Variants in COL18A1 observed in about 807,000 individuals in gnomAD.
The protein encoded by COL18A1 is collagen alpha-1(XVIII) chain.
Under a neutral mutation model 168.0 loss-of-function variants are expected in COL18A1, and 133 were observed. The observed-to-expected ratio is 0.79, with a 90% CI of 0.69 to 0.91. The LOEUF is 0.91. Among genes scored for constraint, COL18A1 ranks in the 40% least tolerant of loss-of-function variants. The pLI, the probability that COL18A1 is intolerant of heterozygous loss-of-function variation, is 0.00. For synonymous variants in COL18A1, 949 were observed against 809.0 expected, an observed-to-expected ratio of 1.17 and a Z score of -2.94; for missense variants, 2,126 against 1,925.4, an observed-to-expected ratio of 1.10 and a Z score of -1.95.
chr21:45,428,843 C>T (rs933532463), intron 2 of COL18A1, among the ~76,000 whole-genome samples: 1 of 152,070 alleles, frequency 6.6e-6, no homozygotes, highest in Non-Finnish European at 1.5e-5. Context: ...CGTTTTAAAG[C>T]ATGTTTTATG....
At position 45,473,521 on chromosome 21, in the gene COL18A1, G is replaced by T. The variant is rs906085940; in HGVS notation, c.652-374G>T. ...CTTGCGTAAAGCTCCCGGGACTTGGGGTTGGGGGACTTGACCTGCAGCCCC... is the reference window on the plus strand; with the variant it reads ...CTTGCGTAAAGCTCCCGGGACTTGGTGTTGGGGGACTTGACCTGCAGCCCC... On this transcript the variant is annotated intron_variant, in intron 3 of 41. Transcript: ENST00000651438. The surrounding 1 kb of genome is among the most constrained non-coding windows in gnomAD (Gnocchi z 4.0). Among the ~76,000 whole-genome samples, 1 of 152,136 alleles carries T rather than the reference G, an allele frequency of 6.6e-6. No individual in the cohort carries two copies. The highest frequency in any genetic ancestry group is 1.5e-5 in the Non-Finnish European group (1 of 68,006).
rs1415307385 is a variant in COL18A1, at chr21:45,497,602, A to G, written c.2624A>G (p.Asn875Ser). 3.2e-6 allele frequency: 5 copies of G among 1,561,806 alleles called. No homozygotes were observed. In the East Asian group the frequency reaches 7.2e-5, roughly 22 times the overall value. The change falls in exon 32 of 42, where the codon AAT (asparagine) becomes AGT (serine). Residue 875 changes from asparagine to serine, a missense_variant. By Grantham distance (46) the Asn-to-Ser change is conservative (BLOSUM62 1). Transcript: ENST00000651438. The part of the protein sequence containing the change: ...SRPGPPGLPG[N>S]QGPPGPKGAK... ...CACTGGGTCTCTCTTCCTCCAGGGA[A>G]TCAGGGCCCTCCAGGACCCAAGGGC...
chr21:45,477,412 T>G lies in COL18A1; in HGVS notation c.930T>G (p.Ala310=). The G allele has an allele frequency of 6.2e-7, 1 of 1,612,460 alleles. No homozygotes were observed. Among genetic ancestry groups the G allele is most frequent in the Non-Finnish European group, 8.5e-7 (1 of 1,179,402 alleles). The part of the protein sequence containing the change: ...EEQTTVASLG[A]QTLPGSDSVS... The stretch of plus-strand genomic sequence containing the variant: ...GGCCACCTCTGCTTCTCTTCCCAGC[T>G]CAGACACTTCCTGGCTCAGATTCTG... Residue 310 remains alanine, a splice_region_variant and synonymous_variant, in exon 7 of 42, where the codon GCT becomes GCG. Transcript: ENST00000651438.
At chr21:45,419,149 G>A (rs1194916766) in intron 2 of COL18A1, among the ~76,000 whole-genome samples, 1 of 152,244 alleles carries the variant, frequency 6.6e-6, no homozygotes, top group Non-Finnish European at 1.5e-5. Context: ...ACGATGCCGT[G>A]TGTAGTGACA....
In COL18A1 at chr21:45,472,658, C is replaced by T. The variant is rs139851335; in HGVS notation, c.652-1237C>T. Among the ~76,000 whole-genome samples, 675 of 152,264 alleles carry T rather than the reference C, an allele frequency of 4.4e-3. 9 individuals are homozygous for T. Among genetic ancestry groups the T allele is most frequent in the African/African-American group, 0.016 (653 of 41,576 alleles). On this transcript the variant is annotated intron_variant, in intron 3 of 41. Transcript: ENST00000651438. ...GTGGACCCTGGACCCCACGGTGCTG[C>T]CCCTGGCCGACCTGGGGGCACTGTA...
chr21:45,482,578 G>A (rs879930942), intron 14 of COL18A1, among the ~76,000 whole-genome samples: 10 of 152,190 alleles, frequency 6.6e-5, no homozygotes, highest in Non-Finnish European at 1.5e-4. Flanking sequence ...CCAGCATTGG[G>A]ACCAGGCTTG....
intron 2 of COL18A1, chr21:45,456,960 G>C (rs1290985046): frequency 5.1e-6 from 6 of 1,165,816 alleles, no homozygotes; most frequent in Non-Finnish European, 6.9e-6. Context: ...ACGTGAGCCT[G>C]GTACAGGTTC....
chr21:45,437,151 C>G lies in COL18A1; in HGVS notation c.107-31091C>G, dbSNP rs1378668975. On this transcript the variant is annotated intron_variant, in intron 2 of 41. Transcript: ENST00000651438. ...CACAGGCACTCTCCACACACACTCA[C>G]ACTCAGACACAGGCACTCTCCTGCA... 1.8e-4 allele frequency among the ~76,000 whole-genome samples: 20 copies of G among 109,106 alleles called. 1 individual carries two copies. Among genetic ancestry groups the G allele is most frequent in the East Asian group, 3.0e-4 (1 of 3,352 alleles). The allele number at this position is 109,106 out of a possible 152,430, so 71.6% of individuals were successfully genotyped here. A position where few individuals can be genotyped will look rare whatever the true frequency, so the allele number is the denominator to read the frequency against.
chr21:45,455,879 G>C, intron 2 of COL18A1: 2 of 1,613,088 alleles, frequency 1.2e-6, no homozygotes, highest in Non-Finnish European at 1.7e-6. Context: ...GATCCTGAAC[G>C]TGGCCAAAGG....
chr21:45,506,288 G>A (rs1490307438), intron 37 of COL18A1: 5 of 383,722 alleles, frequency 1.3e-5, no homozygotes, highest in African/African-American at 4.2e-5. Context: ...CGCCTGACGG[G>A]ACGAGGCGGC....
chr21:45,415,636 T>G (rs2033422645), intron 2 of COL18A1, among the ~76,000 whole-genome samples: 1 of 152,070 alleles, frequency 6.6e-6, no homozygotes, highest in African/African-American at 2.4e-5. Flanking sequence ...GACGGGAAAG[T>G]GCAGGCGGTG....
intron 15 of COL18A1, among the ~76,000 whole-genome samples, chr21:45,484,296 G>GCA (rs72303199): frequency 7.8e-6 from 1 of 127,442 alleles, no homozygotes; most frequent in Non-Finnish European, 1.6e-5. Flanking sequence ...CAGCATATGT[G>GCA]CACACACACA....
rs2034887815 is a variant in COL18A1 at position 45,457,672 on chromosome 21, C to A, written c.107-10570C>A. On this transcript the variant is annotated intron_variant, in intron 2 of 41. Coordinates refer to ENST00000651438, the MANE Select transcript of COL18A1 (RefSeq NM_001379500.1). This position sits in a 1 kb window ranked among gnomAD's most constrained non-coding sequence, Gnocchi z 4.6. ...AGACGGGGCCCCTGAGCTGTGCCTG[C>A]CCCATTCAGATTCTGCTTGCTATGT... Among the ~76,000 whole-genome samples, 1 of 152,204 alleles carries A rather than the reference C, an allele frequency of 6.6e-6. No individual in the cohort carries two copies. The highest frequency in any genetic ancestry group is 1.5e-5 in the Non-Finnish European group (1 of 68,042).
At chr21:45,496,931 G>T in intron 30 of COL18A1, 119 bp from the exon 31 acceptor site, 2 of 738,404 alleles carry the variant, frequency 2.7e-6, no homozygotes, top group Non-Finnish European at 4.9e-6. Context: ...CTGACTGGGG[G>T]AGGCTGCTAT....
intron 15 of COL18A1, among the ~76,000 whole-genome samples, 176 bp from the exon 16 acceptor site, chr21:45,486,685 T>C (rs2036125788): frequency 6.6e-6 from 1 of 152,218 alleles, no homozygotes; most frequent in Non-Finnish European, 1.5e-5. Context: ...GTGGCTGAAA[T>C]CGTGTCGTAA....
intron 2 of COL18A1, among the ~76,000 whole-genome samples, chr21:45,442,617 CCTGGTGTGGGCAGCGGGG>C (rs916081567): frequency 1.6e-4 from 17 of 108,160 alleles, no homozygotes; most frequent in Admixed American, 7.1e-4. Context: ...GGGCGGCGGT[CCTGGTGTGGGCAGCGGGG>C]CTGGTGTGGG....
intron 21 of COL18A1, 112 bp from the exon 22 acceptor site, chr21:45,491,113 C>A: frequency 5.1e-6 from 5 of 978,680 alleles, no homozygotes; most frequent in Non-Finnish European, 8.2e-6. Context: ...CAGCCCCGGG[C>A]GCCTCCTCAC....
In COL18A1 at chr21:45,513,484, C is replaced by G. The variant is rs949475656; in HGVS notation, c.*1086C>G. The G allele has an allele frequency of 6.6e-6, 1 of 152,262 alleles. No homozygotes were observed. Among genetic ancestry groups the G allele is most frequent in the Non-Finnish European group, 1.5e-5 (1 of 68,054 alleles). 9.4% of individuals were successfully genotyped at this position (152,262 alleles called of 1,614,324 possible). A position where few individuals can be genotyped will look rare whatever the true frequency, so the allele number is the denominator to read the frequency against. ...CCGCCCTGCGGGTGAACAAAGCAGCCACGAGGTGCAACAAGGTCCTCTGTC... is the reference window on the plus strand; with the variant it reads ...CCGCCCTGCGGGTGAACAAAGCAGCGACGAGGTGCAACAAGGTCCTCTGTC... On this transcript the variant is annotated 3_prime_UTR_variant, in exon 42 of 42. Transcript: ENST00000651438.
chr21:45,508,071 AGATGGTGGACAGGTGGGTGAGTGGATG>A (rs1459814278), intron 38 of COL18A1, among the ~76,000 whole-genome samples: 4 of 136,616 alleles, frequency 2.9e-5, no homozygotes, highest in South Asian at 2.7e-4. Flanking sequence ...ATGGATGAGT[AGATGGTGGACAGGTGGGTGAGTGGATG>A]GATGGTGGTC....
Sources: gnomAD v4.1 joint callset for allele counts (sites outside exome capture counted in the v4.1 genomes callset) on GRCh38, gnomAD v4.1.1 for gene constraint, Gnocchi (gnomAD v3.1) non-coding constraint, MANE v1.5 for transcripts, NCBI Gene and HGNC (gene_info 2026-07-23, HGNC 2026-07-21) for gene names.